Variants in GC observed in about 807,000 individuals in gnomAD.
GC encodes vitamin D-binding protein.
Under a neutral mutation model 56.7 loss-of-function variants are expected in GC, and 43 were observed. The observed-to-expected ratio is 0.76, with a 90% CI of 0.59 to 0.98. The LOEUF (loss-of-function observed/expected upper bound fraction) is 0.98, where lower values mean the gene tolerates loss of function less well. Among genes scored for constraint, GC ranks in the 50% least tolerant of loss-of-function variants. GC has a pLI of 0.00. For missense variants in GC, 529 were observed against 545.9 expected (o/e 0.97, Z 0.31); for synonymous variants, 216 against 202.7 (o/e 1.07, Z -0.56).
chr4:71,802,701 T>A (rs2149311830), intron 1 of GC, among the ~76,000 whole-genome samples: 1 of 152,358 alleles, frequency 6.6e-6, no homozygotes, highest in Non-Finnish European at 1.5e-5. Context: ...ATTTGTGCCA[T>A]TAAGTCATTC....
At chr4:71,755,878 C>T (rs1741752490) in intron 8 of GC, among the ~76,000 whole-genome samples, 1 of 152,188 alleles carries the variant, frequency 6.6e-6, no homozygotes, top group Non-Finnish European at 1.5e-5. Context: ...TGTAAAGTTT[C>T]AGTCCTATGT....
chr4:71,782,234 A>G (rs1742704709), intron 1 of GC, among the ~76,000 whole-genome samples: 1 of 151,754 alleles, frequency 6.6e-6, no homozygotes, highest in South Asian at 2.1e-4. Flanking sequence ...CCAATCCCCC[A>G]CAATACAAGG....
At chr4:71,754,164 T>C (rs1405444057) in intron 10 of GC, among the ~76,000 whole-genome samples, 1 of 152,184 alleles carries the variant, frequency 6.6e-6, no homozygotes, top group Non-Finnish European at 1.5e-5. Context: ...ACCCAAATAG[T>C]GTACATTGTA....
intron 1 of GC, among the ~76,000 whole-genome samples, chr4:71,775,533 T>C (rs1272282189): frequency 2.0e-5 from 3 of 151,946 alleles, no homozygotes; most frequent in East Asian, 1.9e-4. Context: ...ATGTAAGACC[T>C]GAAGCTGTTA....
chr4:71,754,710 G>A (rs1269010200), intron 9 of GC, among the ~76,000 whole-genome samples: 1 of 152,214 alleles, frequency 6.6e-6, no homozygotes, highest in Non-Finnish European at 1.5e-5. Context: ...GCAGTTGTAA[G>A]CTTTGCAGAA....
chr4:71,760,469 G>A (rs1012403697), intron 6 of GC, among the ~76,000 whole-genome samples: 7 of 152,160 alleles, frequency 4.6e-5, no homozygotes, highest in Non-Finnish European at 8.8e-5. Flanking sequence ...CAAAGAGACT[G>A]TAAGTATGGA....
intron 1 of GC, among the ~76,000 whole-genome samples, chr4:71,802,140 T>C (rs995450213): frequency 1.3e-5 from 2 of 152,202 alleles, no homozygotes; most frequent in Non-Finnish European, 2.9e-5. Context: ...ATATAAACCA[T>C]TATGTGAATA....
At chr4:71,803,276 T>A (rs1331751052) in intron 1 of GC, among the ~76,000 whole-genome samples, 1 of 152,092 alleles carries the variant, frequency 6.6e-6, no homozygotes, top group African/African-American at 2.4e-5. Flanking sequence ...TAAAAAGAGC[T>A]AGTAAAGGAA....
chr4:71,754,876 G>T, intron 9 of GC, 102 bp downstream of exon 9: 1 of 689,358 alleles, frequency 1.5e-6, no homozygotes, highest in Non-Finnish European at 2.4e-6. Flanking sequence ...TTCTTAGTTT[G>T]TAGGCCATAA....
At chr4:71,796,464 A>T (rs1367676417) in intron 1 of GC, among the ~76,000 whole-genome samples, 1 of 152,126 alleles carries the variant, frequency 6.6e-6, no homozygotes, top group Non-Finnish European at 1.5e-5. Context: ...CAGCCACTGA[A>T]GCTTGTAGAT....
At chr4:71,746,772 T>TAAAAAAAAAAAAAA (rs34865299) in intron 11 of GC, among the ~76,000 whole-genome samples, 1 of 100,658 alleles carries the variant, frequency 9.9e-6, no homozygotes, top group Non-Finnish European at 1.8e-5. Context: ...CTCTATTTTG[T>TAAAAAAAAAAAAAA]AAAAAAAAAA....
At chr4:71,745,042 G>C (rs774036137) in intron 12 of GC, among the ~76,000 whole-genome samples, 1 of 152,178 alleles carries the variant, frequency 6.6e-6, no homozygotes, top group Non-Finnish European at 1.5e-5. Context: ...AGTAGTAGGA[G>C]CATCAGTGCA....
chr4:71,799,299 C>A (rs1743191763), intron 1 of GC, among the ~76,000 whole-genome samples: 1 of 152,190 alleles, frequency 6.6e-6, no homozygotes, highest in Non-Finnish European at 1.5e-5. Context: ...ACAGATATAA[C>A]TGAGAGAACA....
rs1741791505 is a variant in GC, at chr4:71,756,847, C to T, written c.899G>A (p.Cys300Tyr). ...AACGTCCATGGCTGTTTTTTCTTGA[C>T]AACAGTCTTCAAACTTAGAATTCTT... is the stretch of plus-strand genomic sequence containing the variant. Reference protein sequence around the residue: ...STKNSKFEDCCQEKTAMDVFV... With the variant: ...STKNSKFEDCYQEKTAMDVFV... The change falls in exon 8 of 13, where the codon TGT (cysteine) becomes TAT (tyrosine). Residue 300 changes from cysteine (C) to tyrosine (Y), a missense_variant. Transcript: ENST00000273951. 6.2e-7 allele frequency: 1 copy of T among 1,613,370 alleles called. No individual in the cohort carries two copies.
chr4:71,795,434 T>A (rs529725595), intron 1 of GC, among the ~76,000 whole-genome samples: 1 of 152,324 alleles, frequency 6.6e-6, no homozygotes, highest in African/African-American at 2.4e-5. Context: ...GTCTCTTTGA[T>A]CTTTATTGGT....
chr4:71,747,794 A>T (rs1388024039), intron 11 of GC, among the ~76,000 whole-genome samples: 1 of 152,192 alleles, frequency 6.6e-6, no homozygotes. Context: ...TAAGAAGAAG[A>T]GTAACTTTAA....
At chr4:71,789,518 A>C (rs191629131) in intron 1 of GC, among the ~76,000 whole-genome samples, 7 of 152,108 alleles carry the variant, frequency 4.6e-5, no homozygotes, top group Admixed American at 3.3e-4. Context: ...TTGCAAAATA[A>C]GTTAAAATAT....
intron 1 of GC, among the ~76,000 whole-genome samples, chr4:71,797,278 C>T (rs57229309): frequency 0.12 from 18,132 of 152,308 alleles, 1,491 homozygotes; most frequent in African/African-American, 0.23. Flanking sequence ...TGTTCAGCTA[C>T]ACCCTGCCCA....
chr4:71,794,538 C>A (rs554359132), intron 1 of GC, among the ~76,000 whole-genome samples: 1 of 150,012 alleles, frequency 6.7e-6, no homozygotes, highest in African/African-American at 2.5e-5. Context: ...CTATTTGATT[C>A]TTCTCTCTTT....
Sources: gnomAD v4.1 joint callset for allele counts (sites outside exome capture counted in the v4.1 genomes callset) on GRCh38, gnomAD v4.1.1 for gene constraint, MANE v1.5 for transcripts, NCBI Gene and HGNC (gene_info 2026-07-23, HGNC 2026-07-21) for gene names.